CDK14: variants seen among roughly 807,000 people sequenced by gnomAD.
The protein encoded by CDK14 is cyclin-dependent kinase 14.
Under a neutral mutation model 60.7 loss-of-function variants are expected in CDK14, and 34 were observed. That is an observed-to-expected ratio of 0.56 (90% confidence interval 0.43 to 0.75). The LOEUF is 0.75. Ranked by LOEUF, CDK14 falls within the 30% of genes least tolerant of loss-of-function variation. The pLI is 0.00. For synonymous variants in CDK14, 197 were observed against 203.7 expected (o/e 0.97, Z 0.28); for missense variants, 482 against 564.1 (o/e 0.85, Z 1.47).
At chr7:91,017,953 T>G (rs1019175991) in intron 10 of CDK14, among the ~76,000 whole-genome samples, 18 of 152,194 alleles carry the variant, frequency 1.2e-4, no homozygotes, top group African/African-American at 4.1e-4. Context: ...CTACTGTGCA[T>G]CAGACAGAGG....
chr7:91,032,304 T>C (rs1796784641), intron 10 of CDK14, among the ~76,000 whole-genome samples: 1 of 152,230 alleles, frequency 6.6e-6, no homozygotes, highest in Non-Finnish European at 1.5e-5. Flanking sequence ...GTATAAACTA[T>C]CCTTGTTGAG....
At position 90,747,726 on chromosome 7, in the gene CDK14, G is replaced by C. The variant is rs1355136461; in HGVS notation, c.415G>C (p.Glu139Gln). ...FGKADSYEKL[E>Q]KLGEGSYATV... ...AAAAGCTGACTCATATGAAAAGCTG[G>C]AAAAACTAGGGGAAGGATCTTATGC... Residue 139 changes from glutamate (E) to glutamine (Q), a missense_variant, in exon 4 of 15, where the codon GAA becomes CAA. By Grantham distance (29) the Glu-to-Gln change is conservative. Coordinates refer to ENST00000380050, the MANE Select transcript of CDK14 (RefSeq NM_001287135.2). The C allele has an allele frequency of 6.3e-7, 1 of 1,597,092 alleles. No individual in the cohort carries two copies. The highest frequency in any genetic ancestry group is 1.2e-5 in the South Asian group (1 of 86,868).
At chr7:90,759,646 C>T (rs1804235126) in intron 4 of CDK14, among the ~76,000 whole-genome samples, 1 of 152,120 alleles carries the variant, frequency 6.6e-6, no homozygotes, top group South Asian at 2.1e-4. Context: ...GGTTCTGCAC[C>T]CTACCTCAAG....
intron 2 of CDK14, among the ~76,000 whole-genome samples, chr7:90,681,645 G>GA (rs1225766808): frequency 6.6e-6 from 1 of 152,086 alleles, no homozygotes; most frequent in Non-Finnish European, 1.5e-5. Flanking sequence ...CTGTTTCTAT[G>GA]AAAAAATAAA....
intron 3 of CDK14, among the ~76,000 whole-genome samples, chr7:90,742,865 C>G (rs1803407756): frequency 6.6e-6 from 1 of 151,840 alleles, no homozygotes; most frequent in Non-Finnish European, 1.5e-5. Context: ...TACAAAGATT[C>G]AGTATCCCCT....
intron 2 of CDK14, among the ~76,000 whole-genome samples, chr7:90,637,658 G>T (rs1365690500): frequency 6.6e-6 from 1 of 151,262 alleles, no homozygotes; most frequent in Non-Finnish European, 1.5e-5. Context: ...GGTCCACTTG[G>T]TGCAGAGCTG....
At chr7:90,891,711 G>C (rs1366145557) in intron 6 of CDK14, among the ~76,000 whole-genome samples, 1 of 152,204 alleles carries the variant, frequency 6.6e-6, no homozygotes, top group African/African-American at 2.4e-5. Context: ...AAAAACTAGG[G>C]CTATGCTATT....
intron 13 of CDK14, among the ~76,000 whole-genome samples, chr7:91,115,647 T>C (rs1183270779): frequency 6.6e-6 from 1 of 152,106 alleles, no homozygotes; most frequent in Admixed American, 6.6e-5. Flanking sequence ...AAGGAGAAGA[T>C]GGGAACAAAA....
intron 8 of CDK14, among the ~76,000 whole-genome samples, chr7:90,926,139 T>C (rs903021858): frequency 2.0e-5 from 3 of 152,196 alleles, no homozygotes; most frequent in Non-Finnish European, 4.4e-5. Flanking sequence ...AATAACTTAG[T>C]TGGCACATGC....
chr7:90,695,381 A>T (rs1801634402), intron 2 of CDK14, among the ~76,000 whole-genome samples: 1 of 152,248 alleles, frequency 6.6e-6, no homozygotes. Flanking sequence ...TGAAATGTAT[A>T]TTCTCTACCT....
At position 90,751,603 on chromosome 7, in the gene CDK14, C is replaced by T. The variant is rs1394880878; in HGVS notation, c.464+3828C>T. On this transcript the variant is annotated intron_variant, in intron 4 of 14. Coordinates refer to ENST00000380050, the MANE Select transcript of CDK14 (RefSeq NM_001287135.2). The stretch of plus-strand genomic sequence containing the variant: ...ATGGCCCACAGATTCTGTAAAGGCA[C>T]TATACAATAGAAACTATAATGCAAC... 2.6e-5 allele frequency among the ~76,000 whole-genome samples: 4 copies of T among 152,118 alleles called. No homozygotes were observed. The East Asian group carries it at 7.7e-4, about 29-fold the overall frequency.
chr7:91,192,997 GT>G (rs549581158), intron 14 of CDK14, among the ~76,000 whole-genome samples: 331 of 152,166 alleles, frequency 2.2e-3, no homozygotes, highest in Non-Finnish European at 3.6e-3. Flanking sequence ...GTTTATTTTG[GT>G]TTTGTTTGCT....
chr7:91,092,949 T>C (rs1421386707), intron 12 of CDK14, among the ~76,000 whole-genome samples: 3 of 152,256 alleles, frequency 2.0e-5, no homozygotes, highest in African/African-American at 7.2e-5. Context: ...CCTCCTCCAA[T>C]GTTTTCATAT....
At chr7:90,750,196 A>C (rs1202051312) in intron 4 of CDK14, among the ~76,000 whole-genome samples, 2 of 91,434 alleles carry the variant, frequency 2.2e-5, no homozygotes, top group African/African-American at 7.5e-5. Flanking sequence ...ACACACACAC[A>C]CACACCAATA....
At chr7:90,794,526 G>C (rs1209245368) in intron 5 of CDK14, among the ~76,000 whole-genome samples, 1 of 152,166 alleles carries the variant, frequency 6.6e-6, no homozygotes, top group Non-Finnish European at 1.5e-5. Context: ...GTTCTTTGCT[G>C]AGAAAAAGAA....
At chr7:90,751,215 A>G (rs371681454) in intron 4 of CDK14, among the ~76,000 whole-genome samples, 1 of 152,176 alleles carries the variant, frequency 6.6e-6, no homozygotes, top group African/African-American at 2.4e-5. Flanking sequence ...AATGAACACC[A>G]CCAAGACTTA....
chr7:90,709,151 A>G (rs1374397241), intron 2 of CDK14: 1 of 195,236 alleles, frequency 5.1e-6, no homozygotes, highest in Non-Finnish European at 1.0e-5. Context: ...CATATGCTGC[A>G]CCTGTGCTTT....
At chr7:91,055,244 GAAAC>G (rs1475333889) in intron 11 of CDK14, among the ~76,000 whole-genome samples, 2 of 152,040 alleles carry the variant, frequency 1.3e-5, no homozygotes, top group African/African-American at 4.8e-5. Context: ...AAATAAAAAA[GAAAC>G]AACCAAAAAC....
chr7:91,051,068 A>C (rs1339461661), intron 11 of CDK14, among the ~76,000 whole-genome samples: 2 of 152,234 alleles, frequency 1.3e-5, no homozygotes, highest in African/African-American at 4.8e-5. Flanking sequence ...AGTAGAGAAG[A>C]TCTGATCTCT....
Sources: gnomAD v4.1 joint callset for allele counts (sites outside exome capture counted in the v4.1 genomes callset) on GRCh38, gnomAD v4.1.1 for gene constraint, MANE v1.5 for transcripts, NCBI Gene and HGNC (gene_info 2026-07-23, HGNC 2026-07-21) for gene names.